The following RORA variants were observed in gnomAD, a reference collection of about 807,000 sequenced individuals.
RORA encodes the protein nuclear receptor ROR-alpha.
In RORA, 7 loss-of-function variants were observed where a neutral mutation model predicts 69.5. The ratio of observed to expected loss-of-function variants is 0.10; its 90% CI spans 0.06 to 0.19. RORA has a LOEUF of 0.19. RORA is among the 10% of genes least tolerant of loss of function. The pLI, the probability that RORA is intolerant of heterozygous loss-of-function variation, is 1.00. For synonymous variants in RORA, 261 were observed against 240.8 expected, an observed-to-expected ratio of 1.08 and a Z score of -0.78; for missense variants, 457 against 663.0, an observed-to-expected ratio of 0.69 and a Z score of 3.41.
At chr15:61,108,927 C>T (rs949475648) in intron 1 of RORA, among the ~76,000 whole-genome samples, 1 of 152,064 alleles carries the variant, frequency 6.6e-6, no homozygotes, top group Non-Finnish European at 1.5e-5. Context: ...GGTCAGGCAC[C>T]GTGGCTCACA....
At chr15:60,626,979 G>C (rs186462845) in intron 2 of RORA, among the ~76,000 whole-genome samples, 14 of 152,316 alleles carry the variant, frequency 9.2e-5, no homozygotes, top group African/African-American at 2.9e-4. Context: ...GAGAGGACTT[G>C]AGAGATCACC....
chr15:61,004,304 C>G (rs749113430), intron 1 of RORA, among the ~76,000 whole-genome samples: 12 of 150,428 alleles, frequency 8.0e-5, no homozygotes, highest in African/African-American at 2.5e-4. Flanking sequence ...CAGACTAATA[C>G]GTACAATACA....
At chr15:61,060,493 G>A (rs548130657) in intron 1 of RORA, among the ~76,000 whole-genome samples, 182 of 152,260 alleles carry the variant, frequency 1.2e-3, no homozygotes, top group African/African-American at 4.2e-3. Context: ...GGGGGCAAGG[G>A]TGACCGTGAG....
chr15:61,173,658 C>CT (rs1048090868), intron 1 of RORA, among the ~76,000 whole-genome samples: 10 of 152,270 alleles, frequency 6.6e-5, no homozygotes, highest in Admixed American at 4.6e-4. Context: ...ATTCAAGCCT[C>CT]TTTTTTTGAG....
chr15:60,647,681 C>T (rs1020875993), intron 2 of RORA, among the ~76,000 whole-genome samples: 3 of 152,152 alleles, frequency 2.0e-5, no homozygotes, highest in Non-Finnish European at 4.4e-5. Context: ...AGAACCAGAA[C>T]TGTTCAGAAA....
chr15:60,811,958 G>T (rs1345235226), intron 1 of RORA, among the ~76,000 whole-genome samples: 2 of 152,132 alleles, frequency 1.3e-5, no homozygotes, highest in African/African-American at 4.8e-5. Flanking sequence ...CGGTGAAATG[G>T]CAAAGTTTTC....
intron 2 of RORA, among the ~76,000 whole-genome samples, chr15:60,557,154 A>G (rs2067389570): frequency 6.6e-6 from 1 of 152,216 alleles, no homozygotes; most frequent in African/African-American, 2.4e-5. Context: ...GCTGGCAGGA[A>G]TAATTTTCTG....
chr15:60,968,647 G>A (rs189880004), intron 1 of RORA, among the ~76,000 whole-genome samples: 132 of 151,168 alleles, frequency 8.7e-4, no homozygotes, highest in Non-Finnish European at 1.3e-3. Flanking sequence ...TTACAGAAAG[G>A]TTGCAAGCAC....
At chr15:60,779,339 A>T (rs887964420) in intron 1 of RORA, among the ~76,000 whole-genome samples, 2 of 152,150 alleles carry the variant, frequency 1.3e-5, no homozygotes, top group Non-Finnish European at 2.9e-5. Context: ...CCTTCCTCCA[A>T]CACAACCACA....
At chr15:61,080,271 C>T (rs770887395) in intron 1 of RORA, among the ~76,000 whole-genome samples, 4 of 152,256 alleles carry the variant, frequency 2.6e-5, no homozygotes, top group Admixed American at 6.5e-5. Flanking sequence ...ATTCCCTTTT[C>T]GTCCTGAAAT....
intron 1 of RORA, among the ~76,000 whole-genome samples, chr15:60,767,922 A>G (rs951014555): frequency 6.6e-6 from 1 of 152,144 alleles, no homozygotes; most frequent in African/African-American, 2.4e-5. Flanking sequence ...CAGTTCCTTA[A>G]GGGCAGGGCC....
chr15:60,945,178 C>A (rs531322620), intron 1 of RORA, among the ~76,000 whole-genome samples: 1 of 152,186 alleles, frequency 6.6e-6, no homozygotes, highest in Non-Finnish European at 1.5e-5. Context: ...TCCCCACCCT[C>A]TCTCTGAAAA....
chr15:61,143,993 G>A (rs953475365), intron 1 of RORA, among the ~76,000 whole-genome samples: 1 of 152,116 alleles, frequency 6.6e-6, no homozygotes, highest in Non-Finnish European at 1.5e-5. Flanking sequence ...ATGACAAAGA[G>A]GCAAAAGTAT....
At chr15:60,529,473 G>A (rs1012951436) in intron 3 of RORA, 2 of 152,144 alleles carry the variant, frequency 1.3e-5, no homozygotes, top group African/African-American at 4.8e-5. Flanking sequence ...TCAAGTCCCT[G>A]GCTAGGCATA....
At chr15:61,020,070 A>C (rs1895452569) in intron 1 of RORA, among the ~76,000 whole-genome samples, 1 of 152,186 alleles carries the variant, frequency 6.6e-6, no homozygotes, top group East Asian at 1.9e-4. Flanking sequence ...ATCATCACAG[A>C]ACGTCCCTTT....
Position 61,153,040 on chromosome 15 carries a change from G to A in RORA, c.166+76013C>T, listed in dbSNP as rs151135330. Among the ~76,000 whole-genome samples, 25 of 152,198 alleles carry A rather than the reference G, an allele frequency of 1.6e-4. No homozygotes were observed. The East Asian group carries it at 2.5e-3, about 15-fold the overall frequency. On this transcript the variant is annotated intron_variant, in intron 1 of 10. Coordinates refer to ENST00000335670, the MANE Select transcript of RORA (RefSeq NM_134261.3). The stretch of plus-strand genomic sequence containing the variant: ...TTGAAGGGTGGGTAGGTGTGTACCA[G>A]GTCAACTAAGGGGGAAAAGGTGTCC...
chr15:60,838,287 C>T (rs946533064), intron 1 of RORA, among the ~76,000 whole-genome samples: 3 of 152,192 alleles, frequency 2.0e-5, no homozygotes, highest in African/African-American at 7.2e-5. Context: ...CCAGACATGG[C>T]CTGGGCTGGG....
chr15:61,061,414 G>A lies in RORA; in HGVS notation c.166+167639C>T, dbSNP rs1348990988. Among the ~76,000 whole-genome samples, 4 of 146,784 alleles carry A rather than the reference G, an allele frequency of 2.7e-5. No homozygotes were observed. ...ATAAATAAATACAAGGGCATCGCAG[G>A]AAGTCCTGATGTCAAGGTAATGCGG... is the stretch of plus-strand genomic sequence containing the variant. On this transcript the variant is annotated intron_variant, in intron 1 of 10. Transcript: ENST00000335670. The surrounding 1 kb of genome is among the most constrained non-coding windows in gnomAD (Gnocchi z 4.4).
chr15:61,005,991 A>T (rs1367593658), intron 1 of RORA, among the ~76,000 whole-genome samples: 1 of 151,660 alleles, frequency 6.6e-6, no homozygotes, highest in African/African-American at 2.4e-5. Flanking sequence ...TTTTTTTGAG[A>T]AGGAGTCTCG....
Sources: allele counts gnomAD v4.1 joint callset (sites outside exome capture counted in the v4.1 genomes callset), GRCh38; gene constraint gnomAD v4.1.1; non-coding constraint Gnocchi (gnomAD v3.1); transcripts MANE v1.5; gene names NCBI Gene and HGNC (gene_info 2026-07-23, HGNC 2026-07-21).